ZDHHC14: variants seen among roughly 807,000 people sequenced by gnomAD.
ZDHHC14 encodes zDHHC palmitoyltransferase 14.
In ZDHHC14, 16 loss-of-function variants were observed where a neutral mutation model predicts 47.7. The observed-to-expected ratio is 0.34, with a 90% CI of 0.23 to 0.51. ZDHHC14 has a LOEUF of 0.51. Ranked by LOEUF, ZDHHC14 falls within the 20% of genes least tolerant of loss-of-function variation. ZDHHC14 has a pLI of 0.97. For synonymous variants in ZDHHC14, 293 were observed against 278.9 expected (o/e 1.05, Z -0.50); for missense variants, 515 against 662.5 (o/e 0.78, Z 2.44).
chr6:157,446,390 TTTTTTTTGG>T (rs1245008402), intron 1 of ZDHHC14, among the ~76,000 whole-genome samples: 1 of 151,810 alleles, frequency 6.6e-6, no homozygotes, highest in Non-Finnish European at 1.5e-5. Context: ...ATCTCTTCCT[TTTTTTTTGG>T]TTTTTTTGTT....
intron 2 of ZDHHC14, among the ~76,000 whole-genome samples, chr6:157,568,876 A>G (rs1230001009): frequency 6.6e-6 from 1 of 152,098 alleles, no homozygotes; most frequent in Non-Finnish European, 1.5e-5. Flanking sequence ...AAATATATTT[A>G]CTGATAGCTG....
chr6:157,650,581 C>T (rs948004650), intron 7 of ZDHHC14, among the ~76,000 whole-genome samples: 2 of 151,818 alleles, frequency 1.3e-5, no homozygotes, highest in Non-Finnish European at 2.9e-5. Flanking sequence ...CTTTTGATGA[C>T]CTAGTTCTTT....
chr6:157,522,692 G>A (rs899638302), intron 1 of ZDHHC14, among the ~76,000 whole-genome samples: 2 of 145,360 alleles, frequency 1.4e-5, no homozygotes, highest in African/African-American at 5.2e-5. Flanking sequence ...CTCACTGTAA[G>A]AAGTTTTTTT....
At chr6:157,416,977 T>TTTTG (rs1554256463) in intron 1 of ZDHHC14, among the ~76,000 whole-genome samples, 52 of 104,866 alleles carry the variant, frequency 5.0e-4, no homozygotes, top group African/African-American at 1.7e-3. Context: ...GGCTAGTTTT[T>TTTTG]TTTTTTTTTT....
intron 1 of ZDHHC14, among the ~76,000 whole-genome samples, chr6:157,467,692 G>A (rs1779254527): frequency 6.6e-6 from 1 of 152,040 alleles, no homozygotes; most frequent in Non-Finnish European, 1.5e-5. Flanking sequence ...TGGAATTACA[G>A]GCGCCTGCCA....
intron 7 of ZDHHC14, among the ~76,000 whole-genome samples, chr6:157,649,521 A>T (rs1346042816): frequency 6.6e-6 from 1 of 152,010 alleles, no homozygotes; most frequent in Admixed American, 6.6e-5. Flanking sequence ...CTGTGCCCTT[A>T]AGTGGGCCAG....
intron 1 of ZDHHC14, among the ~76,000 whole-genome samples, chr6:157,480,459 G>C (rs923478688): frequency 6.6e-6 from 1 of 151,970 alleles, no homozygotes; most frequent in African/African-American, 2.4e-5. Context: ...GTAGAGACAG[G>C]GTTCACCATG....
chr6:157,487,529 C>G (rs923966053), intron 1 of ZDHHC14, among the ~76,000 whole-genome samples: 1 of 152,190 alleles, frequency 6.6e-6, no homozygotes, highest in Non-Finnish European at 1.5e-5. Flanking sequence ...TCATGACAAC[C>G]CTCTTAAGTA....
intron 3 of ZDHHC14, among the ~76,000 whole-genome samples, chr6:157,616,797 C>T (rs990316645): frequency 2.0e-5 from 3 of 152,140 alleles, no homozygotes; most frequent in South Asian, 2.1e-4. Context: ...GGGTGTCAAA[C>T]GCCCCTTCTG....
At chr6:157,607,154 G>T (rs1784569332) in intron 3 of ZDHHC14, among the ~76,000 whole-genome samples, 3 of 152,112 alleles carry the variant, frequency 2.0e-5, no homozygotes, top group African/African-American at 4.8e-5. Flanking sequence ...TTAGAAACAT[G>T]CTGGGAAGGG....
At chr6:157,515,391 T>C (rs1177105497) in intron 1 of ZDHHC14, among the ~76,000 whole-genome samples, 2 of 152,056 alleles carry the variant, frequency 1.3e-5, no homozygotes, top group East Asian at 3.9e-4. Flanking sequence ...CCTTCTTTTC[T>C]GGGCTGATGC....
chr6:157,500,283 G>A (rs1406698582), intron 1 of ZDHHC14, among the ~76,000 whole-genome samples: 1 of 152,226 alleles, frequency 6.6e-6, no homozygotes, highest in African/African-American at 2.4e-5. Flanking sequence ...CGTCACTGGA[G>A]TGCAGTGGAG....
At chr6:157,660,257 G>A (rs683679) in intron 8 of ZDHHC14, among the ~76,000 whole-genome samples, 92,041 of 150,346 alleles carry the variant, frequency 0.61, 28,605 homozygotes, top group African/African-American at 0.7. Flanking sequence ...CAGTGGCACA[G>A]TCTCGGCTCA....
At position 157,582,978 on chromosome 6, in the gene ZDHHC14, G is replaced by A. The variant is rs1445251650; in HGVS notation, c.407-10010G>A. The stretch of plus-strand genomic sequence containing the variant: ...TTATTTCAGAGCCAGTCTTTAAGCT[G>A]TGAGATTCCTTCTTCTGCTTGGTAT... On this transcript the variant is annotated intron_variant, in intron 2 of 8. Coordinates refer to ENST00000359775, the MANE Select transcript of ZDHHC14 (RefSeq NM_024630.3). The surrounding 1 kb of genome is among the most constrained non-coding windows in gnomAD (Gnocchi z 4.3). Among the ~76,000 whole-genome samples, 5 of 151,680 alleles carry A rather than the reference G, an allele frequency of 3.3e-5. No homozygotes were observed. Among genetic ancestry groups the A allele is most frequent in the African/African-American group, 1.2e-4 (5 of 41,256 alleles).
intron 8 of ZDHHC14, among the ~76,000 whole-genome samples, chr6:157,661,846 C>T (rs562108345): frequency 6.0e-4 from 92 of 152,254 alleles, no homozygotes; most frequent in African/African-American, 2.0e-3. Context: ...TTTTTTGAGA[C>T]GGAGTCTCGC....
intron 2 of ZDHHC14, among the ~76,000 whole-genome samples, chr6:157,570,470 A>C (rs1269744438): frequency 6.6e-6 from 1 of 152,240 alleles, no homozygotes; most frequent in East Asian, 1.9e-4. Flanking sequence ...ATCTTCACTT[A>C]CGCAGCACAG....
intron 5 of ZDHHC14, among the ~76,000 whole-genome samples, chr6:157,637,248 C>T (rs191398536): frequency 6.6e-6 from 1 of 152,150 alleles, no homozygotes; most frequent in Non-Finnish European, 1.5e-5. Context: ...TGGTGAAGCC[C>T]TGTAGCTCCT....
intron 2 of ZDHHC14, among the ~76,000 whole-genome samples, chr6:157,585,115 G>A (rs1178991846): frequency 6.6e-6 from 1 of 152,104 alleles, no homozygotes; most frequent in Non-Finnish European, 1.5e-5. Context: ...GCTGAGGCAG[G>A]AGAATTGCTT....
intron 1 of ZDHHC14, among the ~76,000 whole-genome samples, chr6:157,526,810 G>A (rs1025178390): frequency 3.3e-5 from 5 of 152,190 alleles, no homozygotes; most frequent in Non-Finnish European, 7.3e-5. Flanking sequence ...GAAGGCTGAA[G>A]GGCAGTGTGG....
Sources: gnomAD v4.1 joint callset for allele counts (sites outside exome capture counted in the v4.1 genomes callset) on GRCh38, gnomAD v4.1.1 for gene constraint, Gnocchi (gnomAD v3.1) non-coding constraint, MANE v1.5 for transcripts, NCBI Gene and HGNC (gene_info 2026-07-23, HGNC 2026-07-21) for gene names.